Variants in RERE observed in about 807,000 individuals in gnomAD.
RERE encodes the protein arginine-glutamic acid dipeptide repeats, also known as arginine-glutamic acid dipeptide repeats protein.
Under a neutral mutation model 146.1 loss-of-function variants are expected in RERE, and 40 were observed. That is an observed-to-expected ratio of 0.27 (90% CI 0.21 to 0.36). RERE has a LOEUF of 0.36. Ranked by LOEUF, RERE falls within the 10% of genes least tolerant of loss-of-function variation. RERE has a pLI of 1.00. For missense variants in RERE, 1,933 were observed against 2,138.7 expected, an observed-to-expected ratio of 0.90 and a Z score of 1.90; for synonymous variants, 1,003 against 866.0, an observed-to-expected ratio of 1.16 and a Z score of -2.78.
chr1:8,387,519 G>C (rs1642722661), intron 12 of RERE, among the ~76,000 whole-genome samples: 1 of 152,170 alleles, frequency 6.6e-6, no homozygotes, highest in African/African-American at 2.4e-5. Context: ...CATAAAAAGT[G>C]TGAAAAGATA....
intron 1 of RERE, among the ~76,000 whole-genome samples, chr1:8,741,403 T>C (rs749394527): frequency 1.3e-5 from 2 of 152,176 alleles, no homozygotes; most frequent in Non-Finnish European, 2.9e-5. Context: ...AGGCATTGTG[T>C]CCCCACCCAA....
chr1:8,414,148 T>C (rs1235056295), intron 12 of RERE, among the ~76,000 whole-genome samples: 2 of 150,704 alleles, frequency 1.3e-5, no homozygotes, highest in East Asian at 3.9e-4. Flanking sequence ...GCCATGAAGG[T>C]AAGCACCCTT....
Position 8,495,071 on chromosome 1 carries a change from G to A in RERE, c.1096C>T (p.Leu366=). 2 of 1,610,558 alleles carry A rather than the reference G, an allele frequency of 1.2e-6. No homozygotes were observed. The highest frequency in any genetic ancestry group is 1.7e-5 in the Admixed American group (1 of 60,028). Residue 366 remains leucine (L), a synonymous_variant, in exon 10 of 23, where the codon CTG becomes TTG. Transcript: ENST00000400908. ...GACTTCAAAAGACTTACTGTGTTCA[G>A]TGCATTCAGAGTGGTGTCATCCCGA... The part of the protein sequence containing the change: ...ASRDDTTLNA[L]NTLHESGYDA...
chr1:8,605,280 A>C (rs940421678), intron 4 of RERE, among the ~76,000 whole-genome samples: 1 of 152,110 alleles, frequency 6.6e-6, no homozygotes, highest in Non-Finnish European at 1.5e-5. Context: ...CTACAGGCAC[A>C]TGCCACCATG....
intron 4 of RERE, among the ~76,000 whole-genome samples, chr1:8,605,293 C>G (rs1646689496): frequency 1.3e-5 from 2 of 152,152 alleles, no homozygotes; most frequent in Non-Finnish European, 2.9e-5. Flanking sequence ...CCACCATGCC[C>G]TGCTAATTTT....
chr1:8,482,778 T>G (rs1644853714), intron 10 of RERE, among the ~76,000 whole-genome samples: 1 of 151,872 alleles, frequency 6.6e-6, no homozygotes, highest in African/African-American at 2.4e-5. Flanking sequence ...ATTTATGAAT[T>G]TCTTAGCCCA....
intron 12 of RERE, among the ~76,000 whole-genome samples, chr1:8,367,175 T>C (rs972027080): frequency 2.6e-5 from 4 of 152,040 alleles, no homozygotes; most frequent in African/African-American, 4.8e-5. Flanking sequence ...AGGACTAAAA[T>C]AGACAAACCA....
intron 1 of RERE, among the ~76,000 whole-genome samples, chr1:8,670,280 A>T (rs577285041): frequency 1.4e-4 from 22 of 152,250 alleles, no homozygotes; most frequent in Non-Finnish European, 3.2e-4. Context: ...GACCTAGAAC[A>T]TAACACTTAA....
At chr1:8,724,821 T>G (rs1030601976) in intron 1 of RERE, among the ~76,000 whole-genome samples, 1 of 125,092 alleles carries the variant, frequency 8.0e-6, no homozygotes, top group Admixed American at 9.2e-5. Flanking sequence ...AGAGCTAGAC[T>G]CCATCTCAAA....
rs1165123627 is a variant in RERE at position 8,575,552 on chromosome 1, TATATATA to T, written c.523-18036_523-18030del. On this transcript the variant is annotated intron_variant, in intron 4 of 22. Transcript: ENST00000400908. ...CTAATTTAATATATATATATATATA[TATATATA>T]TATTTTTTTTTTTTTTGGCAGAGAC... 1.8e-4 allele frequency among the ~76,000 whole-genome samples: 14 copies of T among 77,286 alleles called. 1 individual carries two copies. Among genetic ancestry groups the T allele is most frequent in the African/African-American group, 5.3e-4 (9 of 17,034 alleles). The allele number at this position is 77,286 out of a possible 152,430, so 50.7% of individuals were successfully genotyped here. A position where few individuals can be genotyped will look rare whatever the true frequency, so the allele number is the denominator to read the frequency against.
At chr1:8,557,674 G>A in intron 4 of RERE, 151 bp from the exon 5 acceptor site, 1 of 639,730 alleles carries the variant, frequency 1.6e-6, no homozygotes, top group Non-Finnish European at 2.8e-6. Context: ...ACATAAGTCA[G>A]TTATGAGGTC....
chr1:8,814,754 G>A (rs1389863346), intron 1 of RERE, among the ~76,000 whole-genome samples: 1 of 152,050 alleles, frequency 6.6e-6, no homozygotes, highest in Non-Finnish European at 1.5e-5. Flanking sequence ...TTCCAATACT[G>A]GGAACAGAAA....
intron 1 of RERE, chr1:8,786,086 T>C (rs1278981919): frequency 2.4e-6 from 1 of 425,314 alleles, no homozygotes; most frequent in Non-Finnish European, 4.4e-6. Flanking sequence ...CTCATCAGTC[T>C]GCCTGCTTCC....
chr1:8,507,673 T>C (rs1252001260), intron 8 of RERE, among the ~76,000 whole-genome samples: 3 of 151,468 alleles, frequency 2.0e-5, no homozygotes, highest in Non-Finnish European at 4.4e-5. Flanking sequence ...CCTCCCAAAG[T>C]ACTGGGATTA....
At chr1:8,689,220 G>A (rs1434590135) in intron 1 of RERE, among the ~76,000 whole-genome samples, 1 of 152,046 alleles carries the variant, frequency 6.6e-6, no homozygotes, top group Non-Finnish European at 1.5e-5. Context: ...TCAGAATGAA[G>A]GGCAGAATTA....
At chr1:8,626,327 C>T (rs540737943) in intron 2 of RERE, among the ~76,000 whole-genome samples, 31 of 152,278 alleles carry the variant, frequency 2.0e-4, no homozygotes, top group Admixed American at 1.8e-3. Context: ...CAATTATTTA[C>T]TCACCTTACT....
chr1:8,766,979 T>A (rs1407038561), intron 1 of RERE, among the ~76,000 whole-genome samples: 1 of 152,226 alleles, frequency 6.6e-6, no homozygotes, highest in Non-Finnish European at 1.5e-5. Context: ...TCAACATGTA[T>A]CAAAAACTGC....
chr1:8,544,003 G>C (rs1053937137), intron 6 of RERE, among the ~76,000 whole-genome samples: 1 of 152,166 alleles, frequency 6.6e-6, no homozygotes, highest in Non-Finnish European at 1.5e-5. Context: ...TGGAAAGAGT[G>C]AACATCCTTG....
intron 1 of RERE, among the ~76,000 whole-genome samples, chr1:8,764,736 G>A (rs1244129227): frequency 1.3e-5 from 2 of 152,138 alleles, no homozygotes; most frequent in Non-Finnish European, 1.5e-5. Flanking sequence ...AAAAAGCAAA[G>A]GGCCAGTAAG....
Sources: allele counts gnomAD v4.1 joint callset (sites outside exome capture counted in the v4.1 genomes callset), GRCh38; gene constraint gnomAD v4.1.1; transcripts MANE v1.5; gene names NCBI Gene and HGNC (gene_info 2026-07-23, HGNC 2026-07-21).